The following MYO7B variants were observed in gnomAD, a reference collection of about 807,000 sequenced individuals.
The protein encoded by MYO7B is myosin VIIB, also known as unconventional myosin-VIIb.
MYO7B carries 212 observed loss-of-function variants against 259.7 expected under a neutral mutation model. That is an observed-to-expected ratio of 0.82 (90% CI 0.73 to 0.91). MYO7B has a LOEUF of 0.91. Among genes scored for constraint, MYO7B ranks in the 40% least tolerant of loss-of-function variants. The probability of loss-of-function intolerance (pLI) is 0.00; values close to 1 mark genes in which losing one functional copy is unlikely to be tolerated. For missense variants in MYO7B, 2,732 were observed against 2,813.5 expected (o/e 0.97, Z 0.66); for synonymous variants, 1,197 against 1,166.4 (o/e 1.03, Z -0.54).
chr2:127,603,197 A>G (rs1483403206), intron 19 of MYO7B, among the ~76,000 whole-genome samples: 1 of 152,126 alleles, frequency 6.6e-6, no homozygotes, highest in Non-Finnish European at 1.5e-5. Flanking sequence ...ATTCCTGTTA[A>G]TGTTGATATT....
intron 7 of MYO7B, among the ~76,000 whole-genome samples, chr2:127,574,319 T>C (rs965104360): frequency 1.3e-5 from 2 of 152,114 alleles, no homozygotes; most frequent in Non-Finnish European, 2.9e-5. Context: ...GTGGGTTACT[T>C]GAGGCCAGGA....
Position 127,590,275 on chromosome 2 carries a change from G to A in MYO7B, c.1992+46G>A. On this transcript the variant is annotated intron_variant, in intron 16 of 47. Transcript: ENST00000409816. This position sits in a 1 kb window ranked among gnomAD's most constrained non-coding sequence, Gnocchi z 4.6. The stretch of plus-strand genomic sequence containing the variant: ...CACAGCAAAGGAGGGAGGAGGAGGA[G>A]GCTGATGGCCTCTAGGGTTGTGGTC... The A allele has an allele frequency of 6.2e-7, 1 of 1,611,534 alleles. No individual in the cohort carries two copies. Among genetic ancestry groups the A allele is most frequent in the Non-Finnish European group, 8.5e-7 (1 of 1,179,334 alleles).
chr2:127,576,762 C>T lies in MYO7B; in HGVS notation c.849+54C>T. 1 of 1,293,414 alleles carries T rather than the reference C, an allele frequency of 7.7e-7. No individual in the cohort carries two copies. The highest frequency in any genetic ancestry group is 1.1e-6 in the Non-Finnish European group (1 of 908,530). The allele number at this position is 1,293,414 out of a possible 1,614,324, so 80.1% of individuals were successfully genotyped here. On this transcript the variant is annotated intron_variant, in intron 8 of 47. Transcript: ENST00000409816. The surrounding 1 kb of genome is among the most constrained non-coding windows in gnomAD (Gnocchi z 4.9). ...AGCCAGTGGAAGGGAGGAAAAAGAG[C>T]TTGTGCCGCTCCACCCTCCGCGACA...
At position 127,584,946 on chromosome 2, in the gene MYO7B, A is replaced by C. The variant is rs760144329; in HGVS notation, c.1690+33A>C. ...CAGCTCTCCTCTCATGTCCCTTCCA[A>C]ATCTGGACCGGGTTCCAGGGAGACC... On this transcript the variant is annotated intron_variant, in intron 14 of 47. Coordinates refer to ENST00000409816, the MANE Select transcript of MYO7B (RefSeq NM_001393586.1). This position sits in a 1 kb window ranked among gnomAD's most constrained non-coding sequence, Gnocchi z 5.8. 6.2e-7 allele frequency: 1 copy of C among 1,611,212 alleles called. No homozygotes were observed. The highest frequency in any genetic ancestry group is 2.2e-5 in the East Asian group (1 of 44,818).
intron 9 of MYO7B, among the ~76,000 whole-genome samples, chr2:127,579,598 G>GTTTGTTTT (rs2104927197): frequency 6.6e-6 from 1 of 151,330 alleles, no homozygotes; most frequent in South Asian, 2.1e-4. Flanking sequence ...TTGTTTGTTT[G>GTTTGTTTT]TTTTTGAGAC....
Position 127,566,671 on chromosome 2 carries a change from T to G in MYO7B, c.314T>G (p.Val105Gly). The stretch of plus-strand genomic sequence containing the variant: ...TACACAGGCTCCATCCTGGTGGCCG[T>G]CAACCCGTTCCAGGTGCTGCCGCTC... ...YTYTGSILVA[V>G]NPFQVLPLYT... Residue 105 changes from valine to glycine, a missense_variant, in exon 5 of 48, where the codon GTC becomes GGC. By Grantham distance (109) the Val-to-Gly change is moderately radical (BLOSUM62 -3). Around this residue, in one of 3 missense-constraint regions of MYO7B, gnomAD observed 1,906 missense variants for 2,026.4 expected, o/e 0.94. Coordinates refer to ENST00000409816, the MANE Select transcript of MYO7B (RefSeq NM_001393586.1). 1 of 1,600,078 alleles carries G rather than the reference T, an allele frequency of 6.2e-7. No individual in the cohort carries two copies. The highest frequency in any genetic ancestry group is 1.7e-5 in the Admixed American group (1 of 57,852).
chr2:127,631,313 G>A lies in MYO7B; in HGVS notation c.5045G>A (p.Arg1682Gln), dbSNP rs748634334. The change falls in exon 37 of 48, where the codon CGA becomes CAA. Residue 1682 changes from arginine (R) to glutamine (Q), a missense_variant. By Grantham distance (43) the Arg-to-Gln change is conservative (BLOSUM62 1). Around this residue, in one of 3 missense-constraint regions of MYO7B, gnomAD observed 821 missense variants for 769.3 expected, o/e 1.07. Coordinates refer to ENST00000409816, the MANE Select transcript of MYO7B (RefSeq NM_001393586.1). ...CEPLRQPLLK[R>Q]VHANVDLWDI... Reference sequence around the variant, plus strand: ...CCGCTGCGACAGCCGCTGCTCAAGCGAGTCCACGCCAACGTCGACCTCTGG... The same window carrying A: ...CCGCTGCGACAGCCGCTGCTCAAGCAAGTCCACGCCAACGTCGACCTCTGG... The A allele has an allele frequency of 3.0e-5, 48 of 1,612,174 alleles. No individual in the cohort carries two copies. Among genetic ancestry groups the A allele is most frequent in the Admixed American group, 5.0e-5 (3 of 59,972 alleles).
At chr2:127,538,830 G>A (rs1474611458) in intron 1 of MYO7B, among the ~76,000 whole-genome samples, 1 of 152,172 alleles carries the variant, frequency 6.6e-6, no homozygotes, top group East Asian at 1.9e-4. Context: ...CTCCCAAAGT[G>A]CTGGGATTAC....
chr2:127,548,171 A>G (rs1693310018), intron 1 of MYO7B, among the ~76,000 whole-genome samples: 1 of 152,054 alleles, frequency 6.6e-6, no homozygotes, highest in Admixed American at 6.6e-5. Flanking sequence ...TTCATTTCCA[A>G]TAGTAGTTAA....
chr2:127,568,978 C>T (rs545417208), intron 5 of MYO7B, among the ~76,000 whole-genome samples: 24 of 151,758 alleles, frequency 1.6e-4, no homozygotes, highest in Admixed American at 4.6e-4. Context: ...GAGGCCGAGG[C>T]GGGCAGATCA....
At chr2:127,564,118 G>C in intron 2 of MYO7B, 35 bp from the exon 3 acceptor site, 1 of 1,400,064 alleles carries the variant, frequency 7.1e-7, no homozygotes, top group Non-Finnish European at 9.8e-7. Context: ...AAGAGAGAGC[G>C]GGGATCACAC....
chr2:127,570,801 G>A (rs1189690187), intron 6 of MYO7B, among the ~76,000 whole-genome samples: 2 of 139,346 alleles, frequency 1.4e-5, no homozygotes, highest in African/African-American at 2.9e-5. Flanking sequence ...TCTTTCCCCC[G>A]CCCCCCTTCA....
chr2:127,634,788 C>T (rs957447143), intron 42 of MYO7B, 105 bp downstream of exon 42: 10 of 1,124,612 alleles, frequency 8.9e-6, no homozygotes, highest in African/African-American at 6.2e-5. Flanking sequence ...CATTCGTTCC[C>T]GTGTGTCCCT....
chr2:127,622,968 C>T (rs1680912493), intron 28 of MYO7B, among the ~76,000 whole-genome samples: 1 of 152,212 alleles, frequency 6.6e-6, no homozygotes, highest in Non-Finnish European at 1.5e-5. Flanking sequence ...ACGCCTGTGG[C>T]TAACATTGCT....
chr2:127,617,487 G>GTT (rs35542480), intron 26 of MYO7B, among the ~76,000 whole-genome samples: 10,482 of 84,644 alleles, frequency 0.12, 2,842 homozygotes, highest in African/African-American at 0.34. Context: ...TTGTAACGGG[G>GTT]TTTTTTTTTT....
In MYO7B at chr2:127,627,749, CCCCACTCCCATGGGTCT is replaced by C. The variant is rs746661237; in HGVS notation, c.4460+442_4460+458del. 12 of 458,784 alleles carry C rather than the reference CCCCACTCCCATGGGTCT, an allele frequency of 2.6e-5. No homozygotes were observed. The highest frequency in any genetic ancestry group is 1.7e-5 in the Non-Finnish European group (4 of 228,640). The allele number at this position is 458,784 out of a possible 1,614,324, so 28.4% of individuals were successfully genotyped here. ...GGGGTCCTCTTAGGCTGGGGCTGACCCCCACTCCCATGGGTCTCCATGGATCTCATTGACTGGGAACT... is the reference window on the plus strand; with the variant it reads ...GGGGTCCTCTTAGGCTGGGGCTGACCCCATGGATCTCATTGACTGGGAACT... On this transcript the variant is annotated intron_variant, in intron 33 of 47. Transcript: ENST00000409816. This position sits in a 1 kb window ranked among gnomAD's most constrained non-coding sequence, Gnocchi z 5.6.
intron 10 of MYO7B, 131 bp from the exon 11 acceptor site, chr2:127,581,760 G>A (rs765640605): frequency 1.7e-5 from 22 of 1,299,462 alleles, no homozygotes; most frequent in Admixed American, 9.8e-5. Flanking sequence ...CCCTGGCCTC[G>A]GGCAGCGCCC....
chr2:127,590,385 C>A lies in MYO7B; in HGVS notation c.1992+156C>A, dbSNP rs537107935. 8.5e-5 allele frequency among the ~76,000 whole-genome samples: 13 copies of A among 152,332 alleles called. No individual in the cohort carries two copies. Among genetic ancestry groups the A allele is most frequent in the South Asian group, 8.3e-4 (4 of 4,824 alleles). The stretch of plus-strand genomic sequence containing the variant: ...AGTACACTGGGGTAAGGTGACCAGA[C>A]TAGGTCATGTGAAGGTCAGTGACCT... On this transcript the variant is annotated intron_variant, in intron 16 of 47. Coordinates refer to ENST00000409816, the MANE Select transcript of MYO7B (RefSeq NM_001393586.1). The surrounding 1 kb of genome is among the most constrained non-coding windows in gnomAD (Gnocchi z 4.6).
chr2:127,626,143 G>A (rs1681097439), intron 31 of MYO7B: 1 of 152,322 alleles, frequency 6.6e-6, no homozygotes, highest in South Asian at 2.1e-4. Flanking sequence ...CAGTGGTGCT[G>A]GGGAGAGGAA....
Sources: allele counts gnomAD v4.1 joint callset (sites outside exome capture counted in the v4.1 genomes callset), GRCh38; gene constraint gnomAD v4.1.1; regional missense constraint gnomAD v4.1.1; non-coding constraint Gnocchi (gnomAD v3.1); transcripts MANE v1.5; gene names NCBI Gene and HGNC (gene_info 2026-07-23, HGNC 2026-07-21).